ZNF778: variants seen among roughly 807,000 people sequenced by gnomAD.
ZNF778 encodes the protein zinc finger protein 778.
ZNF778 carries 37 observed loss-of-function variants against 23.9 expected under a neutral mutation model. The observed-to-expected ratio is 1.54, with a 90% CI of 1.19 to 2.03. ZNF778 has a LOEUF of 2.03. Ranked by LOEUF, ZNF778 falls within the 30% of genes most tolerant of loss-of-function variation. ZNF778 has a pLI of 0.00. For synonymous variants in ZNF778, 483 were observed against 343.9 expected, an observed-to-expected ratio of 1.40 and a Z score of -4.48; for missense variants, 1,297 against 934.4, an observed-to-expected ratio of 1.39 and a Z score of -5.06.
rs1340276505 is a variant in ZNF778, at chr16:89,233,781, C to G, written c.*5219C>G. ...CACTGCGTATGCAACTCAACTCGCA[C>G]TGCGTATGCAACTCAGCTCGCACTG... On this transcript the variant is annotated 3_prime_UTR_variant, in exon 7 of 7. Transcript: ENST00000433976. 7.9e-7 allele frequency: 1 copy of G among 1,264,902 alleles called. No homozygotes were observed. 78.4% of individuals were successfully genotyped at this position (1,264,902 alleles called of 1,614,324 possible).
intron 4 of ZNF778, among the ~76,000 whole-genome samples, 165 bp downstream of exon 4, chr16:89,223,448 C>G (rs1052413758): frequency 1.3e-5 from 2 of 152,140 alleles, no homozygotes; most frequent in African/African-American, 4.8e-5. Flanking sequence ...AGAATGTGGT[C>G]CTGGGGTCAT....
rs1048898718 is a variant in ZNF778, at chr16:89,228,943, C to T, written c.*381C>T. The T allele has an allele frequency of 8.0e-6, 8 of 1,004,698 alleles. No individual in the cohort carries two copies. The highest frequency in any genetic ancestry group is 4.4e-5 in the South Asian group (1 of 22,950). 62.2% of individuals were successfully genotyped at this position (1,004,698 alleles called of 1,614,324 possible). ...ACATCTTTCCTCACCCTTTAGTAAACGTGGTGATTGACACTTGAAGTGTTG... is the reference window on the plus strand; with the variant it reads ...ACATCTTTCCTCACCCTTTAGTAAATGTGGTGATTGACACTTGAAGTGTTG... On this transcript the variant is annotated 3_prime_UTR_variant, in exon 7 of 7. Transcript: ENST00000433976.
chr16:89,224,422 A>G (rs1434541939), intron 4 of ZNF778, among the ~76,000 whole-genome samples: 2 of 152,200 alleles, frequency 1.3e-5, no homozygotes, highest in Non-Finnish European at 2.9e-5. Flanking sequence ...GATTGAGACC[A>G]TTCTGACCAA....
At position 89,228,163 on chromosome 16, in the gene ZNF778, C is replaced by G. The variant is rs200661175; in HGVS notation, c.1875C>G (p.Ala625=). 3 of 1,613,578 alleles carry G rather than the reference C, an allele frequency of 1.9e-6. No homozygotes were observed. The highest frequency in any genetic ancestry group is 1.3e-5 in the African/African-American group (1 of 75,024). Residue 625 remains alanine (A), a synonymous_variant, in exon 7 of 7, where the codon GCC becomes GCG. Transcript: ENST00000433976. ...ATGAATGTAAAGTATGCGGAAAGGC[C>G]TTCACCACATCCTCACACCTTATCG... ...KPYECKVCGK[A]FTTSSHLIVH...
chr16:89,233,987 C>A lies in ZNF778; in HGVS notation c.*5425C>A. The A allele has an allele frequency of 1.7e-6, 2 of 1,212,080 alleles. No homozygotes were observed. Among genetic ancestry groups the A allele is most frequent in the Non-Finnish European group, 2.2e-6 (2 of 918,310 alleles). The allele number at this position is 1,212,080 out of a possible 1,614,324, so 75.1% of individuals were successfully genotyped here. On this transcript the variant is annotated 3_prime_UTR_variant, in exon 7 of 7. Coordinates refer to ENST00000433976, the MANE Select transcript of ZNF778 (RefSeq NM_001201407.2). ...AGACTAGCCAGCCCCAGACTTCATC[C>A]TGCCCTGTCCTGCCTTTCCTGTGAA...
At position 89,227,007 on chromosome 16, in the gene ZNF778, T is replaced by C; in HGVS notation, c.719T>C (p.Leu240Pro). 6.2e-7 allele frequency: 1 copy of C among 1,613,958 alleles called. No individual in the cohort carries two copies. Among genetic ancestry groups the C allele is most frequent in the South Asian group, 1.1e-5 (1 of 91,074 alleles). The change falls in exon 7 of 7, where the codon CTT becomes CCT. Residue 240 changes from leucine (L) to proline (P), a missense_variant. Coordinates refer to ENST00000433976, the MANE Select transcript of ZNF778 (RefSeq NM_001201407.2). ...GAAGTGTTCCTTAATCAGTCATACC[T>C]TCAGGCACGTGCGGGAAGTCACAAC... ...CGEVFLNQSY[L>P]QARAGSHNGE...
chr16:89,227,528 A>G lies in ZNF778; in HGVS notation c.1240A>G (p.Ile414Val), dbSNP rs750787954. 56 of 1,613,994 alleles carry G rather than the reference A, an allele frequency of 3.5e-5. No individual in the cohort carries two copies. The highest frequency in any genetic ancestry group is 4.7e-5 in the Non-Finnish European group (56 of 1,180,014). ...CTCATGCCTTAATAATCATGTTCGA[A>G]TTCACACTGGAATAAAACCCTATAC... Reference protein sequence around the residue: ...NSSCLNNHVRIHTGIKPYTCS... With the variant: ...NSSCLNNHVRVHTGIKPYTCS... The change falls in exon 7 of 7, where the codon ATT becomes GTT. Residue 414 changes from isoleucine to valine, a missense_variant. By Grantham distance (29) the Ile-to-Val change is conservative. Coordinates refer to ENST00000433976, the MANE Select transcript of ZNF778 (RefSeq NM_001201407.2).
chr16:89,228,305 T>TA lies in ZNF778; in HGVS notation c.2018dup (p.Tyr673Ter), dbSNP rs1424044763. Residue 673 changes from tyrosine (Y) to a stop codon, truncating the protein, a stop_gained and frameshift_variant, in exon 7 of 7, where the codon TAC (tyrosine) becomes TAAC (stop). Coordinates refer to ENST00000433976, the MANE Select transcript of ZNF778 (RefSeq NM_001201407.2). LOFTEE classifies it low-confidence loss of function (END_TRUNC). ...HRRTHTGEKPYICNECGKAFR... is the reference protein window; with the variant it reads ...HRRTHTGEKP ...AAGGACTCACACAGGAGAGAAACCT[T>TA]ACATATGTAACGAGTGTGGGAAAGC... 6.2e-7 allele frequency: 1 copy of TA among 1,606,932 alleles called. No individual in the cohort carries two copies. Among genetic ancestry groups the TA allele is most frequent in the Admixed American group, 1.7e-5 (1 of 59,692 alleles).
In ZNF778 at chr16:89,232,802, C is replaced by T. The variant is rs1379947025; in HGVS notation, c.*4240C>T. ...CTCACTGCATATGCACATCAACTCA[C>T]TGCATATGCAACTCAACTCACACCG... On this transcript the variant is annotated 3_prime_UTR_variant, in exon 7 of 7. Transcript: ENST00000433976. The T allele has an allele frequency of 2.3e-6, 3 of 1,289,402 alleles. No individual in the cohort carries two copies. The highest frequency in any genetic ancestry group is 3.0e-6 in the Non-Finnish European group (3 of 988,776). The allele number at this position is 1,289,402 out of a possible 1,614,324, so 79.9% of individuals were successfully genotyped here. A position where few individuals can be genotyped will look rare whatever the true frequency, so the allele number is the denominator to read the frequency against.
chr16:89,234,433 A>C lies in ZNF778; in HGVS notation c.*5871A>C, dbSNP rs999363542. 1 of 201,208 alleles carries C rather than the reference A, an allele frequency of 5.0e-6. No homozygotes were observed. The highest frequency in any genetic ancestry group is 2.3e-5 in the African/African-American group (1 of 42,716). 12.5% of individuals were successfully genotyped at this position (201,208 alleles called of 1,614,324 possible). A position where few individuals can be genotyped will look rare whatever the true frequency, so the allele number is the denominator to read the frequency against. On this transcript the variant is annotated 3_prime_UTR_variant, in exon 7 of 7. Transcript: ENST00000433976. ...ACTTCTCTTCATTACTGATAGTATG[A>C]ACATGGTTTTGCTTACGCTGGCTAT...
chr16:89,220,295 ATAAG>A (rs2030794699), intron 1 of ZNF778, among the ~76,000 whole-genome samples: 1 of 152,228 alleles, frequency 6.6e-6, no homozygotes, highest in Non-Finnish European at 1.5e-5. Flanking sequence ...CATCGGTAGA[ATAAG>A]AAAGTACAGC....
chr16:89,228,062 A>G lies in ZNF778; in HGVS notation c.1774A>G (p.Lys592Glu), dbSNP rs2031662339. ...IHTGIKPYEC[K>E]DCGKTFTVSS... ...CACTGGAATAAAACCTTATGAATGT[A>G]AGGACTGTGGGAAAACATTCACTGT... Residue 592 changes from lysine (K) to glutamate (E), a missense_variant, in exon 7 of 7, where the codon AAG (lysine) becomes GAG (glutamate). Coordinates refer to ENST00000433976, the MANE Select transcript of ZNF778 (RefSeq NM_001201407.2). 4 of 1,613,132 alleles carry G rather than the reference A, an allele frequency of 2.5e-6. No individual in the cohort carries two copies. Among genetic ancestry groups the G allele is most frequent in the Non-Finnish European group, 3.4e-6 (4 of 1,179,212 alleles).
chr16:89,225,916 CTTT>C (rs11400876), intron 6 of ZNF778, among the ~76,000 whole-genome samples: 2 of 145,402 alleles, frequency 1.4e-5, no homozygotes, highest in African/African-American at 2.5e-5. Flanking sequence ...GTGCAGGATT[CTTT>C]TTTTTTTTTT....
chr16:89,232,991 TGCAAC>T lies in ZNF778; in HGVS notation c.*4430_*4434del, dbSNP rs1409507534. ...TATGCAACTGAGCTCGCTCTGCGTA[TGCAAC>T]CCAGCTCGCTCTGCGTATGCAACTC... On this transcript the variant is annotated 3_prime_UTR_variant, in exon 7 of 7. Coordinates refer to ENST00000433976, the MANE Select transcript of ZNF778 (RefSeq NM_001201407.2). 21 of 1,264,800 alleles carry T rather than the reference TGCAAC, an allele frequency of 1.7e-5. No individual in the cohort carries two copies. The highest frequency in any genetic ancestry group is 4.7e-5 in the African/African-American group (3 of 64,456). The allele number at this position is 1,264,800 out of a possible 1,614,324, so 78.3% of individuals were successfully genotyped here. A position where few individuals can be genotyped will look rare whatever the true frequency, so the allele number is the denominator to read the frequency against.
At chr16:89,224,568 G>A (rs2031291623) in intron 4 of ZNF778, 151 bp from the exon 5 acceptor site, 3 of 557,436 alleles carry the variant, frequency 5.4e-6, no homozygotes, top group South Asian at 2.0e-5. Context: ...GCAGTGAGCC[G>A]AGATTGCACC....
At chr16:89,221,213 G>C in intron 2 of ZNF778, 61 bp downstream of exon 2, 1 of 1,505,042 alleles carries the variant, frequency 6.6e-7, no homozygotes, top group Non-Finnish European at 9.0e-7. Flanking sequence ...CACAGTGTGT[G>C]TATCAGGCCC....
At position 89,227,051 on chromosome 16, in the gene ZNF778, T is replaced by C. The variant is rs1388487041; in HGVS notation, c.763T>C (p.Trp255Arg). The C allele has an allele frequency of 3.1e-6, 5 of 1,613,924 alleles. No individual in the cohort carries two copies. In the South Asian group the frequency reaches 3.3e-5, roughly 11 times the overall value. ...TCACAACGGAGAAGAAACATGGAAA[T>C]GGAAGCCGTGTGGGAAAGCTCTAAC... Reference protein sequence around the residue: ...GSHNGEETWKWKPCGKALTHS... With the variant: ...GSHNGEETWKRKPCGKALTHS... Residue 255 changes from tryptophan (W) to arginine (R), a missense_variant, in exon 7 of 7, where the codon TGG becomes CGG. Transcript: ENST00000433976.
Position 89,228,930 on chromosome 16 carries a change from A to G in ZNF778, c.*368A>G. The stretch of plus-strand genomic sequence containing the variant: ...CATTTTTTACATTACATCTTTCCTC[A>G]CCCTTTAGTAAACGTGGTGATTGAC... On this transcript the variant is annotated 3_prime_UTR_variant, in exon 7 of 7. Transcript: ENST00000433976. 4 of 1,004,772 alleles carry G rather than the reference A, an allele frequency of 4.0e-6. No homozygotes were observed. Among genetic ancestry groups the G allele is most frequent in the Non-Finnish European group, 4.7e-6 (4 of 842,502 alleles). 62.2% of individuals were successfully genotyped at this position (1,004,772 alleles called of 1,614,324 possible). A position where few individuals can be genotyped will look rare whatever the true frequency, so the allele number is the denominator to read the frequency against.
intron 3 of ZNF778, among the ~76,000 whole-genome samples, chr16:89,222,548 G>T (rs1209318137): frequency 1.3e-5 from 2 of 152,178 alleles, no homozygotes; most frequent in African/African-American, 4.8e-5. Flanking sequence ...ATTTTTAGTA[G>T]AGACGGGGTT....
Sources: gnomAD v4.1 joint callset for allele counts (sites outside exome capture counted in the v4.1 genomes callset) on GRCh38, gnomAD v4.1.1 for gene constraint, MANE v1.5 for transcripts, NCBI Gene and HGNC (gene_info 2026-07-23, HGNC 2026-07-21) for gene names.